The following CAMK1D variants were observed in gnomAD, a reference collection of about 807,000 sequenced individuals.
The protein encoded by CAMK1D is calcium/calmodulin-dependent protein kinase type 1D.
In CAMK1D, 9 loss-of-function variants were observed where a neutral mutation model predicts 47.7. The ratio of observed to expected loss-of-function variants is 0.19; its 90% CI spans 0.11 to 0.33. The LOEUF (loss-of-function observed/expected upper bound fraction) is 0.33. Among genes scored for constraint, CAMK1D ranks in the 10% least tolerant of loss-of-function variants. The pLI is 1.00. For missense variants in CAMK1D, 291 were observed against 488.7 expected (o/e 0.60, Z 3.81); for synonymous variants, 184 against 184.9 (o/e 0.99, Z 0.04).
chr10:12,393,467 C>T (rs535022772), intron 1 of CAMK1D, among the ~76,000 whole-genome samples: 4 of 152,302 alleles, frequency 2.6e-5, no homozygotes, highest in East Asian at 1.9e-4. Flanking sequence ...ATGGAAAACA[C>T]GGCAAGCGTT....
rs563343563 is a variant in CAMK1D, at chr10:12,439,877, A to G, written c.92+89967A>G. Among the ~76,000 whole-genome samples the G allele has an allele frequency of 1.1e-4, 16 of 152,332 alleles. No homozygotes were observed. The South Asian group carries it at 2.3e-3, about 22-fold the overall frequency. On this transcript the variant is annotated intron_variant, in intron 1 of 10. Coordinates refer to ENST00000619168, the MANE Select transcript of CAMK1D (RefSeq NM_153498.4). Reference sequence around the variant, plus strand: ...AGGCCTCACAATCATGGTGGAAGGCAAAAGGCACATCTTACATGGCGGCAG... The same window carrying G: ...AGGCCTCACAATCATGGTGGAAGGCGAAAGGCACATCTTACATGGCGGCAG...
At chr10:12,757,714 A>C (rs1836294676) in intron 3 of CAMK1D, among the ~76,000 whole-genome samples, 2 of 152,164 alleles carry the variant, frequency 1.3e-5, no homozygotes, top group African/African-American at 2.4e-5. Flanking sequence ...TCAGGGTGCT[A>C]GTGTGGGAAG....
At chr10:12,571,453 CAAAAA>C (rs766454210) in intron 2 of CAMK1D, among the ~76,000 whole-genome samples, 1 of 89,754 alleles carries the variant, frequency 1.1e-5, no homozygotes, top group Non-Finnish European at 2.1e-5. Context: ...GACTCCATCA[CAAAAA>C]AAAAAAAAAA....
intron 1 of CAMK1D, among the ~76,000 whole-genome samples, chr10:12,515,112 C>G (rs1463323342): frequency 6.6e-6 from 1 of 152,006 alleles, no homozygotes; most frequent in Non-Finnish European, 1.5e-5. Context: ...ATCCACCCCC[C>G]TTGGCCTCCC....
intron 1 of CAMK1D, among the ~76,000 whole-genome samples, chr10:12,385,492 C>T (rs547659825): frequency 4.0e-4 from 61 of 152,232 alleles, no homozygotes; most frequent in East Asian, 7.7e-4. Context: ...TGAAAGAAGC[C>T]GGTCACAAGA....
chr10:12,764,646 G>A lies in CAMK1D; in HGVS notation c.438+3560G>A, dbSNP rs545282588. 3.9e-5 allele frequency among the ~76,000 whole-genome samples: 6 copies of A among 152,258 alleles called. No individual in the cohort carries two copies. The South Asian group carries it at 1.0e-3, about 26-fold the overall frequency. ...GAAACAACAGCATTGTCCTCTCTCT[G>A]CACCCATGATTGGATCCTTATTGTT... is the stretch of plus-strand genomic sequence containing the variant. On this transcript the variant is annotated intron_variant, in intron 4 of 10. Coordinates refer to ENST00000619168, the MANE Select transcript of CAMK1D (RefSeq NM_153498.4).
chr10:12,493,332 A>G (rs1834444179), intron 1 of CAMK1D, among the ~76,000 whole-genome samples: 1 of 152,158 alleles, frequency 6.6e-6, no homozygotes, highest in Non-Finnish European at 1.5e-5. Flanking sequence ...GCCAGCATCA[A>G]CAGCCTTCCA....
intron 1 of CAMK1D, among the ~76,000 whole-genome samples, chr10:12,459,644 GTTTA>G (rs139073962): frequency 0.013 from 1,931 of 152,294 alleles, 38 homozygotes; most frequent in African/African-American, 0.043. Context: ...TTTGTCTTGT[GTTTA>G]TTTATTTATA....
chr10:12,783,842 C>T (rs1184738425), intron 5 of CAMK1D, among the ~76,000 whole-genome samples: 1 of 152,130 alleles, frequency 6.6e-6, no homozygotes, highest in Non-Finnish European at 1.5e-5. Context: ...CATAAGTGGG[C>T]TGGTGGTGAG....
intron 2 of CAMK1D, among the ~76,000 whole-genome samples, chr10:12,580,988 A>G (rs1384521618): frequency 6.6e-6 from 1 of 152,102 alleles, no homozygotes; most frequent in African/African-American, 2.4e-5. Context: ...TGCACCCATC[A>G]TCTGAGCAGT....
intron 1 of CAMK1D, among the ~76,000 whole-genome samples, chr10:12,425,210 C>T (rs999934207): frequency 2.6e-5 from 4 of 152,164 alleles, no homozygotes; most frequent in Admixed American, 2.6e-4. Context: ...AAATCCCATC[C>T]CATCTGGGAG....
rs1443261967 is a variant in CAMK1D, at chr10:12,429,384, G to A, written c.92+79474G>A. Among the ~76,000 whole-genome samples the A allele has an allele frequency of 4.6e-5, 7 of 152,144 alleles. No individual in the cohort carries two copies. In the East Asian group the frequency reaches 1.2e-3, roughly 25 times the overall value. On this transcript the variant is annotated intron_variant, in intron 1 of 10. Transcript: ENST00000619168. ...AGACAGAGTCTCGCTTTGTCACCCA[G>A]GCTGGAGTGCAGTGGTGTGATCTCG...
chr10:12,444,432 G>A (rs1206820153), intron 1 of CAMK1D, among the ~76,000 whole-genome samples: 1 of 152,202 alleles, frequency 6.6e-6, no homozygotes, highest in Non-Finnish European at 1.5e-5. Context: ...AAATATTTAA[G>A]GAGGTTTCTT....
chr10:12,509,039 G>A (rs1029194004), intron 1 of CAMK1D, among the ~76,000 whole-genome samples: 28 of 152,184 alleles, frequency 1.8e-4, no homozygotes, highest in Non-Finnish European at 3.7e-4. Flanking sequence ...TTGGAGAGGG[G>A]ATGTGGGGAC....
At chr10:12,709,085 A>G (rs1833836475) in intron 3 of CAMK1D, among the ~76,000 whole-genome samples, 1 of 152,344 alleles carries the variant, frequency 6.6e-6, no homozygotes, top group East Asian at 1.9e-4. Context: ...AGCCTCAGAC[A>G]TCTTTCCTCC....
chr10:12,815,094 G>A (rs1326589142), intron 7 of CAMK1D, among the ~76,000 whole-genome samples: 1 of 152,168 alleles, frequency 6.6e-6, no homozygotes, highest in Non-Finnish European at 1.5e-5. Context: ...CGAGGAAACC[G>A]AGGCCCCAGA....
rs201397929 is a variant in CAMK1D, at chr10:12,463,147, T to C, written c.93-90078T>C. ...CTCTAAGAGTTTTTTTTTTTTTTTT[T>C]CCTCCTGAAATGGAATCTTTCTCTG... On this transcript the variant is annotated intron_variant, in intron 1 of 10. Coordinates refer to ENST00000619168, the MANE Select transcript of CAMK1D (RefSeq NM_153498.4). 1.3e-3 allele frequency among the ~76,000 whole-genome samples: 201 copies of C among 150,430 alleles called. 1 individual carries two copies. Among genetic ancestry groups the C allele is most frequent in the East Asian group, 1.0e-3 (5 of 4,906 alleles).
intron 2 of CAMK1D, among the ~76,000 whole-genome samples, chr10:12,639,535 C>T (rs1366481973): frequency 6.6e-6 from 1 of 152,082 alleles, no homozygotes; most frequent in Non-Finnish European, 1.5e-5. Context: ...GCTTTAAGCT[C>T]ATCCTTGCTT....
At chr10:12,557,690 C>G (rs1219874974) in intron 2 of CAMK1D, among the ~76,000 whole-genome samples, 1 of 151,862 alleles carries the variant, frequency 6.6e-6, no homozygotes, top group Non-Finnish European at 1.5e-5. Flanking sequence ...TGCTTATTTC[C>G]TGACTGTTTG....
Sources: gnomAD v4.1 joint callset for allele counts (sites outside exome capture counted in the v4.1 genomes callset) on GRCh38, gnomAD v4.1.1 for gene constraint, MANE v1.5 for transcripts, NCBI Gene and HGNC (gene_info 2026-07-23, HGNC 2026-07-21) for gene names.